The following FKBP1B variants were observed in gnomAD, a reference collection of about 807,000 sequenced individuals.
FKBP1B encodes the protein FKBP prolyl isomerase 1B.
A neutral mutation model predicts 13.5 loss-of-function variants in FKBP1B; 4 were observed. The ratio of observed to expected loss-of-function variants is 0.30; its 90% CI spans 0.15 to 0.68. The LOEUF (loss-of-function observed/expected upper bound fraction) is 0.68, where lower values mean the gene tolerates loss of function less well. FKBP1B is among the 30% of genes least tolerant of loss of function. FKBP1B has a pLI of 0.76. For missense variants in FKBP1B, 93 were observed against 136.2 expected, an observed-to-expected ratio of 0.68 and a Z score of 1.58; for synonymous variants, 54 against 53.6, an observed-to-expected ratio of 1.01 and a Z score of -0.03.
At chr2:24,058,691 T>C (rs1002789760) in intron 2 of FKBP1B, among the ~76,000 whole-genome samples, 2 of 152,104 alleles carry the variant, frequency 1.3e-5, no homozygotes, top group African/African-American at 4.8e-5. Flanking sequence ...GATCTGTGTA[T>C]GTAAATATTT....
intron 3 of FKBP1B, 87 bp downstream of exon 3, chr2:24,061,013 T>A: frequency 4.2e-6 from 4 of 963,730 alleles, no homozygotes; most frequent in Non-Finnish European, 6.5e-6. Flanking sequence ...CTTCACCCAC[T>A]CACAGACCAC....
the FKBP1B span, chr2:24,039,198 T>C: frequency 2.5e-6 from 4 of 1,614,098 alleles, no homozygotes; most frequent in African/African-American, 4.0e-5. Flanking sequence ...ACGTCAGCCA[T>C]TTGCTTGACT....
chr2:24,055,853 C>T (rs1447341059), intron 2 of FKBP1B, among the ~76,000 whole-genome samples: 2 of 152,176 alleles, frequency 1.3e-5, no homozygotes, highest in African/African-American at 4.8e-5. Flanking sequence ...AGTGGGGTAC[C>T]TCCTGGGCTC....
At chr2:24,047,871 C>T (rs564225489), upstream of FKBP1B, among the ~76,000 whole-genome samples, 1 of 152,344 alleles carries the variant, frequency 6.6e-6, no homozygotes, top group African/African-American at 2.4e-5. Context: ...CTGCTCTGGC[C>T]GCAGCCTATG....
intron 2 of FKBP1B, among the ~76,000 whole-genome samples, chr2:24,058,551 A>C (rs1664240614): frequency 6.6e-6 from 1 of 152,268 alleles, no homozygotes; most frequent in Non-Finnish European, 1.5e-5. Flanking sequence ...ATTAAGTCAC[A>C]TGAAACCTGA....
rs72852414 is a variant in FKBP1B at position 24,055,584 on chromosome 2, C to T, written c.85+1635C>T. 2.7e-3 allele frequency among the ~76,000 whole-genome samples: 417 copies of T among 152,228 alleles called. 2 individuals are homozygous for T. The highest frequency in any genetic ancestry group is 9.4e-3 in the African/African-American group (389 of 41,518). On this transcript the variant is annotated intron_variant, in intron 2 of 3. Transcript: ENST00000380986. ...GAACTTCATCTTAATGGAACCACAG[C>T]GTAGGTACTCTTTTGTGTTTGGCTT...
the FKBP1B span, chr2:24,038,717 T>C: frequency 7.4e-6 from 12 of 1,614,078 alleles, no homozygotes; most frequent in Non-Finnish European, 9.3e-6. Context: ...TCTTTATCCA[T>C]AGAGCGTACT....
At chr2:24,048,697 AC>A (rs1663714502), upstream of FKBP1B, among the ~76,000 whole-genome samples, 1 of 152,054 alleles carries the variant, frequency 6.6e-6, no homozygotes, top group East Asian at 1.9e-4. Flanking sequence ...AGTCCCAATT[AC>A]CCTTTAAACA....
Position 24,049,914 on chromosome 2 carries a change from A to G in FKBP1B, c.37+28A>G. On this transcript the variant is annotated intron_variant, in intron 1 of 3. Transcript: ENST00000380986. ...ACCGGGCTCCCTCCGGAGCCAGGGG[A>G]GGGGAGGGGTCCCGGGGCGGAGCCC... The G allele has an allele frequency of 4.4e-6, 6 of 1,372,972 alleles. No homozygotes were observed. The South Asian group carries it at 4.8e-5, about 11-fold the overall frequency. 85.0% of individuals were successfully genotyped at this position (1,372,972 alleles called of 1,614,324 possible).
the FKBP1B span, chr2:24,039,017 G>A: frequency 8.1e-6 from 13 of 1,614,156 alleles, no homozygotes; most frequent in Non-Finnish European, 1.1e-5. Flanking sequence ...CATGCACAGT[G>A]AATGCGGCCC....
At position 24,050,829 on chromosome 2, in the gene FKBP1B, C is replaced by A. The variant is rs1032757292; in HGVS notation, c.37+943C>A. Among the ~76,000 whole-genome samples, 1 of 152,222 alleles carries A rather than the reference C, an allele frequency of 6.6e-6. No individual in the cohort carries two copies. The highest frequency in any genetic ancestry group is 2.4e-5 in the African/African-American group (1 of 41,462). On this transcript the variant is annotated intron_variant, in intron 1 of 3. Coordinates refer to ENST00000380986, the MANE Select transcript of FKBP1B (RefSeq NM_004116.5). This position sits in a 1 kb window ranked among gnomAD's most constrained non-coding sequence, Gnocchi z 5.8. ...TAACTTCTTGGCTCCAGGCCATCTT[C>A]CTTGTCCAATCCCAGCCACTACTTC...
chr2:24,036,323 T>C, the FKBP1B span, among the ~76,000 whole-genome samples: 1 of 150,634 alleles, frequency 6.6e-6, no homozygotes, highest in African/African-American at 2.4e-5. Context: ...CTAGGCAACA[T>C]AGCAAGATCC....
At position 24,058,769 on chromosome 2, in the gene FKBP1B, C is replaced by T. The variant is rs549309558; in HGVS notation, c.86-2045C>T. Among the ~76,000 whole-genome samples the T allele has an allele frequency of 3.3e-5, 5 of 152,296 alleles. No homozygotes were observed. The East Asian group carries it at 9.6e-4, about 29-fold the overall frequency. On this transcript the variant is annotated intron_variant, in intron 2 of 3. Coordinates refer to ENST00000380986, the MANE Select transcript of FKBP1B (RefSeq NM_004116.5). ...GAGTGCATAAGTGCATGTGAGCATG[C>T]ACAAGTATCTTTGTGTATTTGAATA...
chr2:24,045,522 A>T (rs779928025), upstream of FKBP1B, among the ~76,000 whole-genome samples: 43 of 147,868 alleles, frequency 2.9e-4, no homozygotes, highest in Admixed American at 2.1e-4. Flanking sequence ...AATCGCTTGA[A>T]CCCGGCTGGC....
At chr2:24,049,949 G>T in intron 1 of FKBP1B, 63 bp downstream of exon 1, 2 of 1,315,586 alleles carry the variant, frequency 1.5e-6, no homozygotes, top group Non-Finnish European at 2.0e-6. Context: ...CGGAGGGCGG[G>T]GGTCTGATTC....
At chr2:24,046,765 C>G (rs1296191380), upstream of FKBP1B, among the ~76,000 whole-genome samples, 1 of 152,166 alleles carries the variant, frequency 6.6e-6, no homozygotes, top group African/African-American at 2.4e-5. Context: ...AAACATTCAT[C>G]CAAAGAAAAT....
At position 24,063,045 on chromosome 2, in the gene FKBP1B, C is replaced by A. The variant is rs1025958138; in HGVS notation, c.199-19C>A. The A allele has an allele frequency of 1.2e-6, 2 of 1,614,132 alleles. No individual in the cohort carries two copies. Among genetic ancestry groups the A allele is most frequent in the Admixed American group, 3.3e-5 (2 of 60,008 alleles). On this transcript the variant is annotated intron_variant, in intron 3 of 3. Coordinates refer to ENST00000380986, the MANE Select transcript of FKBP1B (RefSeq NM_004116.5). Reference sequence around the variant, plus strand: ...TGGGTCCTCTTTCTCCTCTCCCCATCTGCCCCCATCCCTGCTAGATGAGCT... The same window carrying A: ...TGGGTCCTCTTTCTCCTCTCCCCATATGCCCCCATCCCTGCTAGATGAGCT...
chr2:24,049,925 C>G, intron 1 of FKBP1B, 39 bp downstream of exon 1: 1 of 1,370,624 alleles, frequency 7.3e-7, no homozygotes, highest in Non-Finnish European at 9.4e-7. Context: ...GGGGAGGGGT[C>G]CCGGGGCGGA....
chr2:24,059,374 G>GC lies in FKBP1B; in HGVS notation c.86-1440_86-1439insC, dbSNP rs1553320925. On this transcript the variant is annotated intron_variant, in intron 2 of 3. Coordinates refer to ENST00000380986, the MANE Select transcript of FKBP1B (RefSeq NM_004116.5). Reference sequence around the variant, plus strand: ...ACCAGAACTGCTGGACCAGCACCTGGGGGGGGGTTCTGGTTTCAAACAGCC... The same window carrying GC: ...ACCAGAACTGCTGGACCAGCACCTGGCGGGGGGGTTCTGGTTTCAAACAGCC... 8.5e-3 allele frequency among the ~76,000 whole-genome samples: 1,238 copies of GC among 146,036 alleles called. 37 individuals carry two copies. The highest frequency in any genetic ancestry group is 0.028 in the African/African-American group (1,144 of 40,856).
Sources: gnomAD v4.1 joint callset for allele counts (sites outside exome capture counted in the v4.1 genomes callset) on GRCh38, gnomAD v4.1.1 for gene constraint, Gnocchi (gnomAD v3.1) non-coding constraint, MANE v1.5 for transcripts, NCBI Gene and HGNC (gene_info 2026-07-23, HGNC 2026-07-21) for gene names.